The following AKAP6 variants were observed in gnomAD, a reference collection of about 807,000 sequenced individuals.
The protein encoded by AKAP6 is A-kinase anchoring protein 6, also known as A-kinase anchor protein 6.
Under a neutral mutation model 188.5 loss-of-function variants are expected in AKAP6, and 58 were observed. That is an observed-to-expected ratio of 0.31 (90% CI 0.25 to 0.38). The LOEUF (loss-of-function observed/expected upper bound fraction) is 0.38, where lower values mean the gene tolerates loss of function less well. Among genes scored for constraint, AKAP6 ranks in the 10% least tolerant of loss-of-function variants. The pLI, the probability that AKAP6 is intolerant of heterozygous loss-of-function variation, is 1.00. For missense variants in AKAP6, 2,710 were observed against 2,740.0 expected, an observed-to-expected ratio of 0.99 and a Z score of 0.24; for synonymous variants, 989 against 998.6, an observed-to-expected ratio of 0.99 and a Z score of 0.18.
chr14:32,429,893 A>G (rs1233592359), intron 1 of AKAP6, among the ~76,000 whole-genome samples: 2 of 152,136 alleles, frequency 1.3e-5, no homozygotes, highest in African/African-American at 2.4e-5. Context: ...CTCTCCAGCT[A>G]TGCTTTTGTT....
chr14:32,505,608 G>T (rs935838606), intron 2 of AKAP6, among the ~76,000 whole-genome samples: 1 of 151,992 alleles, frequency 6.6e-6, no homozygotes, highest in Admixed American at 6.6e-5. Flanking sequence ...TACTTATTCT[G>T]TCTTTATGAA....
intron 7 of AKAP6, among the ~76,000 whole-genome samples, chr14:32,616,745 A>G (rs1415904070): frequency 1.3e-5 from 2 of 152,204 alleles, no homozygotes; most frequent in African/African-American, 4.8e-5. Context: ...CCTGAACTTA[A>G]ATAAAACTAA....
At chr14:32,782,475 C>T (rs1249010266) in intron 12 of AKAP6, among the ~76,000 whole-genome samples, 2 of 152,040 alleles carry the variant, frequency 1.3e-5, no homozygotes, top group African/African-American at 4.8e-5. Flanking sequence ...TATTTTTACT[C>T]AGAGATTCCA....
rs148644375 is a variant in AKAP6, at chr14:32,685,083, C to T, written c.2879+6624C>T. On this transcript the variant is annotated intron_variant, in intron 8 of 13. Coordinates refer to ENST00000280979, the MANE Select transcript of AKAP6 (RefSeq NM_004274.5). The stretch of plus-strand genomic sequence containing the variant: ...CCAGCCTTGGTAACATAGTAAGACC[C>T]CCCCCTACCAAACCTACAAAAAATT... Among the ~76,000 whole-genome samples the T allele has an allele frequency of 2.6e-5, 3 of 115,736 alleles. 1 individual carries two copies. Among genetic ancestry groups the T allele is most frequent in the African/African-American group, 1.2e-4 (3 of 25,098 alleles). The allele number at this position is 115,736 out of a possible 152,430, so 75.9% of individuals were successfully genotyped here. A position where few individuals can be genotyped will look rare whatever the true frequency, so the allele number is the denominator to read the frequency against.
At chr14:32,591,954 TTTACATGGCAA>T (rs1214545205) in intron 5 of AKAP6, among the ~76,000 whole-genome samples, 1 of 152,202 alleles carries the variant, frequency 6.6e-6, no homozygotes, top group Non-Finnish European at 1.5e-5. Context: ...CAGGGTACAG[TTTACATGGCAA>T]TTACGCTGGG....
intron 9 of AKAP6, among the ~76,000 whole-genome samples, chr14:32,711,938 A>T (rs1024904617): frequency 1.3e-5 from 2 of 152,024 alleles, no homozygotes; most frequent in Non-Finnish European, 2.9e-5. Context: ...CAACTTCAGT[A>T]TTTTCTCTTT....
chr14:32,730,964 A>G (rs1326454612), intron 9 of AKAP6, among the ~76,000 whole-genome samples: 1 of 152,132 alleles, frequency 6.6e-6, no homozygotes, highest in Non-Finnish European at 1.5e-5. Flanking sequence ...AGAAAACGCA[A>G]TCAGAATTTC....
At chr14:32,648,747 AG>A (rs994322940) in intron 7 of AKAP6, among the ~76,000 whole-genome samples, 3 of 152,182 alleles carry the variant, frequency 2.0e-5, no homozygotes, top group African/African-American at 7.2e-5. Flanking sequence ...TAAAGAGCAC[AG>A]CCAAATAAAC....
chr14:32,585,492 A>ACGTGTGTGTGTG lies in AKAP6; in HGVS notation c.2469+8250_2469+8251insCGTGTGTGTGTG, dbSNP rs4007573. Among the ~76,000 whole-genome samples the ACGTGTGTGTGTG allele has an allele frequency of 4.5e-4, 68 of 150,846 alleles. 3 individuals carry two copies. The East Asian group carries it at 0.011, about 25-fold the overall frequency. On this transcript the variant is annotated intron_variant, in intron 5 of 13. Transcript: ENST00000280979. ...AAAATGGTGACTATGAACTATATAT[A>ACGTGTGTGTGTG]TGTGTGTGTGTGTGTGTGTGTGTAT...
chr14:32,503,372 T>G (rs1880701601), intron 2 of AKAP6, among the ~76,000 whole-genome samples: 1 of 152,096 alleles, frequency 6.6e-6, no homozygotes, highest in Non-Finnish European at 1.5e-5. Flanking sequence ...GTTTTTCATT[T>G]GTCTTTTGAC....
In AKAP6 at chr14:32,645,629, A is replaced by G. The variant is rs148371758; in HGVS notation, c.2731-32682A>G. ...ACTGCCTAGAATGAGTGACAGGGGA[A>G]CTTACTCCTGTATTGATGAGCTCAC... On this transcript the variant is annotated intron_variant, in intron 7 of 13. Transcript: ENST00000280979. Among the ~76,000 whole-genome samples the G allele has an allele frequency of 1.2e-4, 19 of 152,208 alleles. No homozygotes were observed. The East Asian group carries it at 3.7e-3, about 29-fold the overall frequency.
chr14:32,589,865 A>G (rs1252923920), intron 5 of AKAP6, among the ~76,000 whole-genome samples: 1 of 152,202 alleles, frequency 6.6e-6, no homozygotes, highest in Non-Finnish European at 1.5e-5. Flanking sequence ...ATGAGGCTCC[A>G]TGCACAGGCT....
At chr14:32,415,222 C>A (rs1192377348) in intron 1 of AKAP6, among the ~76,000 whole-genome samples, 2 of 152,156 alleles carry the variant, frequency 1.3e-5, no homozygotes, top group African/African-American at 4.8e-5. Context: ...TGTAAGCAGT[C>A]ACACGTGTGT....
chr14:32,378,150 G>A (rs1327921929), intron 1 of AKAP6, among the ~76,000 whole-genome samples: 1 of 151,578 alleles, frequency 6.6e-6, no homozygotes, highest in Non-Finnish European at 1.5e-5. Flanking sequence ...GCAATATTTT[G>A]CATGGTATGA....
intron 7 of AKAP6, among the ~76,000 whole-genome samples, chr14:32,624,508 T>A (rs1886937670): frequency 6.6e-6 from 1 of 152,168 alleles, no homozygotes; most frequent in African/African-American, 2.4e-5. Flanking sequence ...GCAAGATGTA[T>A]AATTCAAAAG....
At position 32,827,969 on chromosome 14, in the gene AKAP6, T is replaced by C. The variant is rs142300776; in HGVS notation, c.*43-1879T>C. Among the ~76,000 whole-genome samples the C allele has an allele frequency of 3.3e-3, 499 of 152,290 alleles. 3 individuals are homozygous for C. The highest frequency in any genetic ancestry group is 0.011 in the African/African-American group (459 of 41,556). ...TTGGGGTTTTGTTTTACTATGTGTA[T>C]GTGTATGAGTGTGGTGTTTTGGGGG... On this transcript the variant is annotated intron_variant, in intron 13 of 13. Coordinates refer to ENST00000280979, the MANE Select transcript of AKAP6 (RefSeq NM_004274.5).
intron 5 of AKAP6, among the ~76,000 whole-genome samples, chr14:32,595,718 A>AT (rs1418729504): frequency 6.6e-6 from 1 of 151,952 alleles, no homozygotes; most frequent in Non-Finnish European, 1.5e-5. Flanking sequence ...CCTATATAAA[A>AT]TTTTTTAAAA....
At chr14:32,752,533 G>A (rs2032177622) in intron 11 of AKAP6, among the ~76,000 whole-genome samples, 1 of 152,150 alleles carries the variant, frequency 6.6e-6, no homozygotes, top group Admixed American at 6.5e-5. Flanking sequence ...CATATTTACA[G>A]TGTACATTGT....
chr14:32,550,784 AC>A (rs1883424632), intron 4 of AKAP6, among the ~76,000 whole-genome samples: 1 of 152,054 alleles, frequency 6.6e-6, no homozygotes, highest in African/African-American at 2.4e-5. Flanking sequence ...TCTTATAACA[AC>A]CCTCTAAGGT....
Sources: allele counts gnomAD v4.1 joint callset (sites outside exome capture counted in the v4.1 genomes callset), GRCh38; gene constraint gnomAD v4.1.1; transcripts MANE v1.5; gene names NCBI Gene and HGNC (gene_info 2026-07-23, HGNC 2026-07-21).